Variants in THSD7B observed in about 807,000 individuals in gnomAD.
THSD7B encodes thrombospondin type-1 domain-containing protein 7B.
In THSD7B, 138 loss-of-function variants were observed where a neutral mutation model predicts 213.6. The ratio of observed to expected loss-of-function variants is 0.65; its 90% CI spans 0.56 to 0.74. THSD7B has a LOEUF of 0.74. THSD7B is among the 30% of genes least tolerant of loss of function. The pLI is 0.00. For missense variants in THSD7B, 1,931 were observed against 1,991.5 expected (o/e 0.97, Z 0.58); for synonymous variants, 742 against 687.0 (o/e 1.08, Z -1.25).
intron 1 of THSD7B, among the ~76,000 whole-genome samples, chr2:136,779,957 G>C (rs866777821): frequency 6.6e-6 from 1 of 152,118 alleles, no homozygotes; most frequent in Non-Finnish European, 1.5e-5. Context: ...GTCCGAATCA[G>C]TAAAATTTAA....
At chr2:137,381,304 C>G (rs774187259) in intron 12 of THSD7B, among the ~76,000 whole-genome samples, 13 of 152,206 alleles carry the variant, frequency 8.5e-5, no homozygotes, top group South Asian at 2.1e-4. Flanking sequence ...AAGAATGAAC[C>G]TTTGCCAGCA....
intron 12 of THSD7B, among the ~76,000 whole-genome samples, chr2:137,290,333 T>C (rs11688556): frequency 0.46 from 69,147 of 151,854 alleles, 15,829 homozygotes; most frequent in South Asian, 0.57. Context: ...TCGTGATCTG[T>C]CCGCCTGGGC....
In THSD7B at chr2:137,677,500, T is replaced by TTTAA. The variant is rs1683730291; in HGVS notation, c.*899_*902dup. Reference sequence around the variant, plus strand: ...AATATTTATAAATTCTTCTTTCAAATTTAATTATCTGACCTCATTTAATAT... The same window carrying TTTAA: ...AATATTTATAAATTCTTCTTTCAAATTTAATTAATTATCTGACCTCATTTAATAT... On this transcript the variant is annotated 3_prime_UTR_variant, in exon 28 of 28. Coordinates refer to ENST00000409968, the MANE Select transcript of THSD7B (RefSeq NM_001316349.2). The TTTAA allele has an allele frequency of 6.5e-6, 1 of 152,680 alleles. No homozygotes were observed. Among genetic ancestry groups the TTTAA allele is most frequent in the African/African-American group, 2.4e-5 (1 of 41,474 alleles). The allele number at this position is 152,680 out of a possible 1,614,324, so 9.5% of individuals were successfully genotyped here.
chr2:137,456,846 C>T (rs2105074080), intron 15 of THSD7B, among the ~76,000 whole-genome samples: 1 of 152,322 alleles, frequency 6.6e-6, no homozygotes, highest in East Asian at 1.9e-4. Flanking sequence ...TTACCTCTCT[C>T]TGCATAGTAA....
chr2:137,280,063 C>T (rs1243154460), intron 12 of THSD7B, among the ~76,000 whole-genome samples: 1 of 152,062 alleles, frequency 6.6e-6, no homozygotes, highest in Non-Finnish European at 1.5e-5. Context: ...TTGCCAAAAC[C>T]TTGTGCTTAC....
intron 15 of THSD7B, chr2:137,479,481 C>G: frequency 2.4e-6 from 1 of 412,728 alleles, no homozygotes; most frequent in South Asian, 1.7e-5. Flanking sequence ...TCAGAATGCT[C>G]AGGTTGGAGC....
At chr2:137,174,703 G>T (rs1415190688) in intron 7 of THSD7B, among the ~76,000 whole-genome samples, 1 of 152,152 alleles carries the variant, frequency 6.6e-6, no homozygotes, top group Non-Finnish European at 1.5e-5. Flanking sequence ...TTAATAGATT[G>T]TATAAATGAG....
chr2:137,483,601 T>G (rs1311103723), intron 15 of THSD7B, among the ~76,000 whole-genome samples: 4 of 152,190 alleles, frequency 2.6e-5, no homozygotes, highest in African/African-American at 9.7e-5. Flanking sequence ...TTTATTTCTT[T>G]GTAGATGGAT....
intron 16 of THSD7B, among the ~76,000 whole-genome samples, chr2:137,571,232 C>A (rs940498304): frequency 6.6e-6 from 1 of 152,158 alleles, no homozygotes; most frequent in East Asian, 1.9e-4. Context: ...TTGTGTCTAG[C>A]TTCTTTGGTT....
rs115987456 is a variant in THSD7B at position 137,155,788 on chromosome 2, A to G, written c.1370-4425A>G. ...TTTTATTTAAAGGTATAAAGGGTTT[A>G]AAGTGTTAAATTTATTTAAAGATTC... On this transcript the variant is annotated intron_variant, in intron 5 of 27. Coordinates refer to ENST00000409968, the MANE Select transcript of THSD7B (RefSeq NM_001316349.2). Among the ~76,000 whole-genome samples the G allele has an allele frequency of 2.2e-3, 334 of 152,338 alleles. 4 individuals carry two copies. Among genetic ancestry groups the G allele is most frequent in the African/African-American group, 7.6e-3 (314 of 41,568 alleles).
At chr2:137,290,772 C>T (rs899514144) in intron 12 of THSD7B, among the ~76,000 whole-genome samples, 2 of 152,104 alleles carry the variant, frequency 1.3e-5, no homozygotes, top group African/African-American at 4.8e-5. Context: ...AGTTTTCAAT[C>T]TTAATGAGTT....
At chr2:137,434,634 G>A (rs971918030) in intron 14 of THSD7B, among the ~76,000 whole-genome samples, 16 of 152,212 alleles carry the variant, frequency 1.1e-4, no homozygotes, top group Non-Finnish European at 7.3e-5. Context: ...ATGTGGGGAT[G>A]TAACTGCAGA....
intron 12 of THSD7B, among the ~76,000 whole-genome samples, chr2:137,343,687 G>A (rs999978243): frequency 6.6e-6 from 1 of 151,744 alleles, no homozygotes; most frequent in Admixed American, 6.6e-5. Flanking sequence ...TTAAAGGAGT[G>A]CAATTACTTT....
chr2:137,416,027 A>G (rs760200608), intron 14 of THSD7B, among the ~76,000 whole-genome samples: 10 of 152,220 alleles, frequency 6.6e-5, no homozygotes, highest in Non-Finnish European at 1.2e-4. Flanking sequence ...CTGTATCCAC[A>G]ACACCTACAG....
chr2:136,792,537 C>CAATGCAAGTTTATAGATTGTGACAA (rs1681987533), intron 1 of THSD7B, among the ~76,000 whole-genome samples: 2 of 151,912 alleles, frequency 1.3e-5, no homozygotes, highest in Admixed American at 1.3e-4. Context: ...GGTCTCGTGC[C>CAATGCAAGTTTATAGATTGTGACAA]AATGCAAGTT....
chr2:137,642,521 C>T lies in THSD7B; in HGVS notation c.3833C>T (p.Pro1278Leu), dbSNP rs1682958825. 1 of 1,613,794 alleles carries T rather than the reference C, an allele frequency of 6.2e-7. No homozygotes were observed. The highest frequency in any genetic ancestry group is 8.5e-7 in the Non-Finnish European group (1 of 1,179,834). ...AGCCGGACTCGATTTATCATTATGC[C>T]AACCCAAGGAGAAGGACGGCCATGC... is the stretch of plus-strand genomic sequence containing the variant. ...RMSRTRFIIM[P>L]TQGEGRPCPT... Residue 1278 changes from proline (P) to leucine (L), a missense_variant, in exon 21 of 28, where the codon CCA becomes CTA. Coordinates refer to ENST00000409968, the MANE Select transcript of THSD7B (RefSeq NM_001316349.2).
chr2:137,100,498 A>G (rs973930704), intron 4 of THSD7B, among the ~76,000 whole-genome samples: 3 of 152,064 alleles, frequency 2.0e-5, no homozygotes, highest in East Asian at 1.9e-4. Flanking sequence ...GAACACGACA[A>G]TCGTGTCCTT....
chr2:136,882,322 G>T lies in THSD7B; in HGVS notation c.139+5G>T. Reference sequence around the variant, plus strand: ...ATCAGTTCATCTGGAAACCAGGTAGGAATGTCCTGGCTGTTCCTTTGTCCT... The same window carrying T: ...ATCAGTTCATCTGGAAACCAGGTAGTAATGTCCTGGCTGTTCCTTTGTCCT... On this transcript the variant is annotated splice_donor_5th_base_variant and intron_variant, in intron 2 of 27. Coordinates refer to ENST00000409968, the MANE Select transcript of THSD7B (RefSeq NM_001316349.2). The T allele has an allele frequency of 6.5e-7, 1 of 1,527,486 alleles. No homozygotes were observed. The highest frequency in any genetic ancestry group is 8.8e-7 in the Non-Finnish European group (1 of 1,137,536). 94.6% of individuals were successfully genotyped at this position (1,527,486 alleles called of 1,614,324 possible).
chr2:137,267,709 A>G (rs1410279425), intron 10 of THSD7B, among the ~76,000 whole-genome samples: 2 of 152,220 alleles, frequency 1.3e-5, no homozygotes, highest in Admixed American at 6.5e-5. Flanking sequence ...AGAAGTTATA[A>G]TAATAAAATA....
Sources: allele counts gnomAD v4.1 joint callset (sites outside exome capture counted in the v4.1 genomes callset), GRCh38; gene constraint gnomAD v4.1.1; transcripts MANE v1.5; gene names NCBI Gene and HGNC (gene_info 2026-07-23, HGNC 2026-07-21).